The following ROCK2 variants were observed in gnomAD, a reference collection of about 807,000 sequenced individuals.
ROCK2 encodes the protein rho-associated protein kinase 2.
ROCK2 carries 61 observed loss-of-function variants against 195.1 expected under a neutral mutation model. The observed-to-expected ratio is 0.31, with a 90% CI of 0.25 to 0.39. The LOEUF (loss-of-function observed/expected upper bound fraction) is 0.39. Among genes scored for constraint, ROCK2 ranks in the 10% least tolerant of loss-of-function variants. ROCK2 has a pLI of 1.00. For missense variants in ROCK2, 1,109 were observed against 1,637.4 expected, an observed-to-expected ratio of 0.68 and a Z score of 5.57; for synonymous variants, 504 against 545.5, an observed-to-expected ratio of 0.92 and a Z score of 1.06.
chr2:11,310,840 G>T (rs1480860575), intron 1 of ROCK2, among the ~76,000 whole-genome samples: 1 of 151,708 alleles, frequency 6.6e-6, no homozygotes, highest in East Asian at 1.9e-4. Flanking sequence ...CCAGAATTTT[G>T]ATCCATATAA....
At chr2:11,293,292 G>C (rs1185394993) in intron 1 of ROCK2, among the ~76,000 whole-genome samples, 1 of 152,176 alleles carries the variant, frequency 6.6e-6, no homozygotes, top group African/African-American at 2.4e-5. Context: ...CAGTAACTTT[G>C]AGGAGAAAAA....
rs1210271670 is a variant in ROCK2 at position 11,180,216 on chromosome 2, A to G, written c.*3221T>C. Reference sequence around the variant, plus strand: ...TTCAGTAAGGTTAATATAGTGTCCGAGTTTCTCTACTTTACCACCAGAATC... The same window carrying G: ...TTCAGTAAGGTTAATATAGTGTCCGGGTTTCTCTACTTTACCACCAGAATC... On this transcript the variant is annotated 3_prime_UTR_variant, in exon 33 of 33. Coordinates refer to ENST00000315872, the MANE Select transcript of ROCK2 (RefSeq NM_004850.5). The G allele has an allele frequency of 6.6e-6, 1 of 152,212 alleles. No homozygotes were observed. Among genetic ancestry groups the G allele is most frequent in the Non-Finnish European group, 1.5e-5 (1 of 68,036 alleles). 9.4% of individuals were successfully genotyped at this position (152,212 alleles called of 1,614,324 possible).
chr2:11,322,487 A>G (rs1461959478), intron 1 of ROCK2, among the ~76,000 whole-genome samples: 1 of 151,882 alleles, frequency 6.6e-6, no homozygotes, highest in East Asian at 1.9e-4. Flanking sequence ...CATGTCATGA[A>G]TGCATTAGAA....
At chr2:11,330,627 G>A (rs1470933330) in intron 1 of ROCK2, among the ~76,000 whole-genome samples, 4 of 151,554 alleles carry the variant, frequency 2.6e-5, no homozygotes, top group Non-Finnish European at 5.9e-5. Context: ...GCAGTGAGCC[G>A]ATATCTCACC....
At chr2:11,211,333 A>G (rs549967111) in intron 18 of ROCK2, among the ~76,000 whole-genome samples, 15 of 152,316 alleles carry the variant, frequency 9.8e-5, no homozygotes, top group Admixed American at 7.8e-4. Context: ...AGTAACAGGT[A>G]TACAGCGTGT....
At position 11,338,942 on chromosome 2, in the gene ROCK2, C is replaced by T. The variant is rs140910206; in HGVS notation, c.141+5054G>A. On this transcript the variant is annotated intron_variant, in intron 1 of 32. Transcript: ENST00000315872. ...AAAAAAAAAATCAGAAGAATGACTG[C>T]CTCTAATAGAAGAAAATGGTGTGTG... Among the ~76,000 whole-genome samples, 1,077 of 151,638 alleles carry T rather than the reference C, an allele frequency of 7.1e-3. 15 individuals carry two copies. The highest frequency in any genetic ancestry group is 0.025 in the African/African-American group (1,025 of 41,316).
At chr2:11,299,547 G>GAA (rs879549214) in intron 1 of ROCK2, among the ~76,000 whole-genome samples, 1 of 145,734 alleles carries the variant, frequency 6.9e-6, no homozygotes, top group African/African-American at 2.5e-5. Context: ...AGTTCCACTA[G>GAA]AAAAAAAAAA....
chr2:11,280,296 G>A (rs1009007253), intron 3 of ROCK2, among the ~76,000 whole-genome samples: 1 of 151,866 alleles, frequency 6.6e-6, no homozygotes, highest in Non-Finnish European at 1.5e-5. Flanking sequence ...AAATGAAGGA[G>A]GGAAAACCAC....
intron 1 of ROCK2, 96 bp downstream of exon 1, chr2:11,343,900 C>G (rs1489075750): frequency 7.0e-7 from 1 of 1,429,538 alleles, no homozygotes; most frequent in Admixed American, 2.6e-5. Flanking sequence ...GCAAGACCTC[C>G]CCCTCCCCAC....
chr2:11,244,356 C>T (rs1018549123), intron 4 of ROCK2, among the ~76,000 whole-genome samples: 1 of 152,020 alleles, frequency 6.6e-6, no homozygotes, highest in African/African-American at 2.4e-5. Flanking sequence ...TGAGATTGGC[C>T]ATGGTTGGTA....
At chr2:11,205,100 G>A (rs983898241) in intron 20 of ROCK2, among the ~76,000 whole-genome samples, 18 of 152,178 alleles carry the variant, frequency 1.2e-4, no homozygotes, top group Admixed American at 1.3e-4. Context: ...GCCAGAGTGA[G>A]AAAGGCTTTT....
chr2:11,215,910 A>G (rs1664409583), intron 13 of ROCK2, among the ~76,000 whole-genome samples: 1 of 152,208 alleles, frequency 6.6e-6, no homozygotes, highest in Non-Finnish European at 1.5e-5. Context: ...TTTGGCCTAA[A>G]ATGTTATGAA....
At chr2:11,331,654 C>T (rs1470963591) in intron 1 of ROCK2, among the ~76,000 whole-genome samples, 1 of 151,878 alleles carries the variant, frequency 6.6e-6, no homozygotes, top group Non-Finnish European at 1.5e-5. Flanking sequence ...TAGCCAGGCG[C>T]GGTGGCTCAC....
chr2:11,264,788 G>C (rs1413163202), intron 3 of ROCK2, among the ~76,000 whole-genome samples: 4 of 152,146 alleles, frequency 2.6e-5, no homozygotes, highest in Non-Finnish European at 5.9e-5. Context: ...AGGAAACTTA[G>C]AAGGAAGAGC....
intron 3 of ROCK2, among the ~76,000 whole-genome samples, chr2:11,285,905 A>G (rs914990220): frequency 7.2e-5 from 11 of 152,114 alleles, no homozygotes; most frequent in African/African-American, 2.7e-4. Flanking sequence ...ACTTGTTCTT[A>G]ACAAAATCCA....
intron 4 of ROCK2, among the ~76,000 whole-genome samples, chr2:11,238,587 C>T (rs1665309579): frequency 6.6e-6 from 1 of 152,136 alleles, no homozygotes; most frequent in Non-Finnish European, 1.5e-5. Context: ...GTGGCTCACG[C>T]CGGTAATCCC....
At chr2:11,252,913 C>T (rs1225361919) in intron 3 of ROCK2, among the ~76,000 whole-genome samples, 4 of 150,070 alleles carry the variant, frequency 2.7e-5, no homozygotes, top group African/African-American at 7.3e-5. Flanking sequence ...CTGCACGTTC[C>T]GTGCATGTAT....
Position 11,211,802 on chromosome 2 carries a change from T to C in ROCK2, c.2082A>G (p.Leu694=), listed in dbSNP as rs1264623100. The change falls in exon 18 of 33, where the codon CTA becomes CTG. Residue 694 remains leucine (L), a synonymous_variant. Coordinates refer to ENST00000315872, the MANE Select transcript of ROCK2 (RefSeq NM_004850.5). ...GTTCTAGGCTCTGCTGTATAACTTTTAGTTGGTATGTCATATCTATTTCCA... is the reference window on the plus strand; with the variant it reads ...GTTCTAGGCTCTGCTGTATAACTTTCAGTTGGTATGTCATATCTATTTCCA... ...SNMEIDMTYQ[L]KVIQQSLEQE... The C allele has an allele frequency of 3.7e-6, 6 of 1,611,790 alleles. No homozygotes were observed. Among genetic ancestry groups the C allele is most frequent in the Non-Finnish European group, 4.2e-6 (5 of 1,179,106 alleles).
At chr2:11,291,995 ATG>A (rs1667377315) in intron 1 of ROCK2, among the ~76,000 whole-genome samples, 1 of 8,996 alleles carries the variant, frequency 1.1e-4, no homozygotes, top group Non-Finnish European at 9.7e-4. Flanking sequence ...ATGACAGACT[ATG>A]ATAGTTAATC....
Sources: allele counts gnomAD v4.1 joint callset (sites outside exome capture counted in the v4.1 genomes callset), GRCh38; gene constraint gnomAD v4.1.1; transcripts MANE v1.5; gene names NCBI Gene and HGNC (gene_info 2026-07-23, HGNC 2026-07-21).